The following ZFAT variants were observed in gnomAD, a reference collection of about 807,000 sequenced individuals.
ZFAT encodes zinc finger protein ZFAT.
A neutral mutation model predicts 117.7 loss-of-function variants in ZFAT; 64 were observed. The ratio of observed to expected loss-of-function variants is 0.54; its 90% CI spans 0.44 to 0.67. The LOEUF (loss-of-function observed/expected upper bound fraction) is 0.67, where lower values mean the gene tolerates loss of function less well. Among genes scored for constraint, ZFAT ranks in the 30% least tolerant of loss-of-function variants. The pLI is 0.00. For synonymous variants in ZFAT, 679 were observed against 615.0 expected, an observed-to-expected ratio of 1.10 and a Z score of -1.54; for missense variants, 1,433 against 1,584.5, an observed-to-expected ratio of 0.90 and a Z score of 1.62.
chr8:134,615,177 G>A (rs1828627942), intron 3 of ZFAT, among the ~76,000 whole-genome samples: 1 of 152,090 alleles, frequency 6.6e-6, no homozygotes, highest in South Asian at 2.1e-4. Context: ...TCTGGCAGCG[G>A]CTAAGGTGGA....
Position 134,584,105 on chromosome 8 carries a change from T to C in ZFAT, c.2714-100A>G, listed in dbSNP as rs1308260961. ...ATATATCCATATCTAAATACACTTA[T>C]AGATATGTATATATAAAACATCCGT... On this transcript the variant is annotated intron_variant, in intron 9 of 15. Transcript: ENST00000377838. 12 of 1,241,324 alleles carry C rather than the reference T, an allele frequency of 9.7e-6. No homozygotes were observed. The South Asian group carries it at 1.3e-4, about 13-fold the overall frequency. 76.9% of individuals were successfully genotyped at this position (1,241,324 alleles called of 1,614,324 possible).
intron 7 of ZFAT, among the ~76,000 whole-genome samples, chr8:134,593,210 CCT>C (rs1219768686): frequency 6.6e-6 from 1 of 152,174 alleles, no homozygotes; most frequent in African/African-American, 2.4e-5. Flanking sequence ...GGTGATCTCC[CCT>C]GAGCCTCTGC....
At chr8:134,766,359 G>C in the ZFAT span, 1 of 152,108 alleles carries the variant, frequency 6.6e-6, no homozygotes, top group Non-Finnish European at 1.5e-5. Context: ...TTTTTAAAAA[G>C]TATTTTTAAT....
intron 1 of ZFAT, among the ~76,000 whole-genome samples, chr8:134,680,705 C>T (rs1380528800): frequency 4.6e-5 from 7 of 151,994 alleles, no homozygotes; most frequent in Admixed American, 4.6e-4. Flanking sequence ...TAAGATGTAA[C>T]TATTAGGTTG....
the ZFAT span, chr8:134,764,899 C>A: frequency 1.3e-5 from 2 of 152,236 alleles, no homozygotes; most frequent in Non-Finnish European, 2.9e-5. Context: ...GCACGGGAAC[C>A]CGCAGGCACT....
intron 1 of ZFAT, among the ~76,000 whole-genome samples, chr8:134,689,843 G>T (rs1470879446): frequency 2.0e-5 from 3 of 152,230 alleles, no homozygotes; most frequent in Non-Finnish European, 4.4e-5. Flanking sequence ...GGGGCAAGAG[G>T]CTGGATGCTT....
chr8:134,712,657 G>A (rs1814052108), intron 1 of ZFAT, among the ~76,000 whole-genome samples, 188 bp downstream of exon 1: 1 of 139,042 alleles, frequency 7.2e-6, no homozygotes, highest in Non-Finnish European at 1.5e-5. Context: ...ATACCCCAGC[G>A]ACTGAACGTG....
intron 3 of ZFAT, among the ~76,000 whole-genome samples, chr8:134,623,545 C>T (rs1162614614): frequency 2.6e-5 from 4 of 152,196 alleles, no homozygotes; most frequent in African/African-American, 4.8e-5. Context: ...TGCCACCATT[C>T]ACCCTGGTCC....
At chr8:134,748,585 T>C in the ZFAT span, among the ~76,000 whole-genome samples, 1 of 152,346 alleles carries the variant, frequency 6.6e-6, no homozygotes, top group South Asian at 2.1e-4. Context: ...TTAGTGAATG[T>C]ACGTATGAGT....
chr8:134,716,446 AT>A (rs1814212736), upstream of ZFAT, among the ~76,000 whole-genome samples: 1 of 152,208 alleles, frequency 6.6e-6, no homozygotes, highest in Non-Finnish European at 1.5e-5. Flanking sequence ...GTGCCATCAC[AT>A]CCCCGGTCTG....
intron 15 of ZFAT, among the ~76,000 whole-genome samples, chr8:134,501,036 G>T (rs937230937): frequency 1.3e-5 from 2 of 152,148 alleles, no homozygotes; most frequent in Admixed American, 6.5e-5. Flanking sequence ...GCTGAAAAGT[G>T]GTTGTCATTA....
At chr8:134,487,759 G>A (rs1057080610) in intron 15 of ZFAT, among the ~76,000 whole-genome samples, 26 of 152,142 alleles carry the variant, frequency 1.7e-4, no homozygotes, top group African/African-American at 3.9e-4. Context: ...AGGAAGCTCC[G>A]TCAGTGCCCC....
chr8:134,620,241 C>T (rs1348758365), intron 3 of ZFAT, among the ~76,000 whole-genome samples: 3 of 152,222 alleles, frequency 2.0e-5, no homozygotes, highest in Admixed American at 2.0e-4. Context: ...GGCTTGGGCC[C>T]AGCTGTGCTA....
Position 134,610,674 on chromosome 8 carries a change from G to T in ZFAT, c.449-19C>A, listed in dbSNP as rs565262400. The T allele has an allele frequency of 6.2e-7, 1 of 1,612,478 alleles. No homozygotes were observed. Among genetic ancestry groups the T allele is most frequent in the East Asian group, 2.2e-5 (1 of 44,874 alleles). ...TCGTTACCTAAGGAGCAAATACCAA[G>T]ATGCATAAGGTATCCTTTTATATCA... On this transcript the variant is annotated intron_variant, in intron 3 of 15. Coordinates refer to ENST00000377838, the MANE Select transcript of ZFAT (RefSeq NM_020863.4).
At chr8:134,825,332 T>C in the ZFAT span, among the ~76,000 whole-genome samples, 1 of 152,356 alleles carries the variant, frequency 6.6e-6, no homozygotes, top group East Asian at 1.9e-4. Context: ...AACTAATCCC[T>C]ATGATCTTTC....
chr8:134,712,388 C>G (rs953073910), intron 1 of ZFAT, among the ~76,000 whole-genome samples: 1 of 152,216 alleles, frequency 6.6e-6, no homozygotes, highest in Non-Finnish European at 1.5e-5. Context: ...AGTGGAAGAT[C>G]TGTCACTCTA....
the ZFAT span, chr8:134,723,431 T>G: frequency 5.4e-4 from 83 of 152,526 alleles, no homozygotes; most frequent in African/African-American, 1.9e-3. Flanking sequence ...GCAGCCCTTC[T>G]GCAACCTCGC....
chr8:134,746,133 A>G, the ZFAT span, among the ~76,000 whole-genome samples: 2 of 152,222 alleles, frequency 1.3e-5, no homozygotes, highest in Non-Finnish European at 2.9e-5. Flanking sequence ...TTTGCAGTAC[A>G]TTGAAAAAGC....
At chr8:134,830,500 C>T in the ZFAT span, among the ~76,000 whole-genome samples, 1 of 152,244 alleles carries the variant, frequency 6.6e-6, no homozygotes, top group Non-Finnish European at 1.5e-5. Flanking sequence ...ACCAAAGATA[C>T]ATAATCAACA....
Sources: gnomAD v4.1 joint callset for allele counts (sites outside exome capture counted in the v4.1 genomes callset) on GRCh38, gnomAD v4.1.1 for gene constraint, MANE v1.5 for transcripts, NCBI Gene and HGNC (gene_info 2026-07-23, HGNC 2026-07-21) for gene names.